TNFSF11: variants seen among roughly 807,000 people sequenced by gnomAD.
TNFSF11 encodes tumor necrosis factor ligand superfamily member 11.
A neutral mutation model predicts 32.2 loss-of-function variants in TNFSF11; 12 were observed. The observed-to-expected ratio is 0.37, with a 90% CI of 0.24 to 0.60. The LOEUF is 0.60. Among genes scored for constraint, TNFSF11 ranks in the 20% least tolerant of loss-of-function variants. TNFSF11 has a pLI of 0.66. For synonymous variants in TNFSF11, 172 were observed against 152.1 expected, an observed-to-expected ratio of 1.13 and a Z score of -0.96; for missense variants, 345 against 398.0, an observed-to-expected ratio of 0.87 and a Z score of 1.13.
At position 42,574,348 on chromosome 13, in the gene TNFSF11, G is replaced by C. The variant is rs200121871; in HGVS notation, c.45G>C (p.Ser15=). 1.3e-6 allele frequency: 2 copies of C among 1,543,574 alleles called. No individual in the cohort carries two copies. The highest frequency in any genetic ancestry group is 1.4e-5 in the African/African-American group (1 of 72,294). ...ACTACACCAAGTACCTGCGTGGCTC[G>C]GAGGAGATGGGCGGCGGCCCCGGAG... ...SRDYTKYLRG[S]EEMGGGPGAP... The change falls in exon 1 of 5, where the codon TCG becomes TCC. Residue 15 remains serine (S), a synonymous_variant. Coordinates refer to ENST00000398795, the MANE Select transcript of TNFSF11 (RefSeq NM_003701.4).
intron 2 of TNFSF11, among the ~76,000 whole-genome samples, chr13:42,591,952 AGGCTGGAACCTAT>A (rs1366745091): frequency 2.6e-5 from 4 of 152,232 alleles, no homozygotes; most frequent in Non-Finnish European, 5.9e-5. Context: ...TAATTTCATG[AGGCTGGAACCTAT>A]GGCATCCCAG....
At chr13:42,600,631 A>T in intron 2 of TNFSF11, 121 bp from the exon 3 acceptor site, 1 of 1,084,516 alleles carries the variant, frequency 9.2e-7, no homozygotes, top group African/African-American at 1.6e-5. Flanking sequence ...TGCCAATGTT[A>T]CTATGGCACC....
chr13:42,573,596 C>A (rs1873148932), upstream of TNFSF11, among the ~76,000 whole-genome samples: 3 of 152,138 alleles, frequency 2.0e-5, no homozygotes, highest in African/African-American at 7.2e-5. Context: ...ACATTCAAGA[C>A]CTGCCTCGCT....
intron 2 of TNFSF11, among the ~76,000 whole-genome samples, chr13:42,592,619 T>C (rs963965542): frequency 2.6e-5 from 4 of 152,200 alleles, no homozygotes; most frequent in Non-Finnish European, 4.4e-5. Flanking sequence ...TATTAAATCA[T>C]TGGCCATTGG....
chr13:42,597,755 C>T lies in TNFSF11; in HGVS notation c.388-2997C>T, dbSNP rs139890352. On this transcript the variant is annotated intron_variant, in intron 2 of 4. Transcript: ENST00000398795. ...CTGGTCCCAGCAGCCTGTTTTAACA[C>T]GCCCTCCAGGAGGTGGTGGTGCAAT... Among the ~76,000 whole-genome samples, 170 of 152,344 alleles carry T rather than the reference C, an allele frequency of 1.1e-3. 1 individual carries two copies. The highest frequency in any genetic ancestry group is 3.8e-3 in the African/African-American group (158 of 41,588).
chr13:42,577,399 C>T (rs1162310736), intron 1 of TNFSF11, among the ~76,000 whole-genome samples: 3 of 152,046 alleles, frequency 2.0e-5, no homozygotes, highest in African/African-American at 7.2e-5. Flanking sequence ...CTACTAGATC[C>T]GGTGTAGCTT....
At chr13:42,583,417 T>TAAAAAAAAAAAAAAAA (rs71747752) in intron 2 of TNFSF11, among the ~76,000 whole-genome samples, 9 of 24,634 alleles carry the variant, frequency 3.7e-4, no homozygotes, top group African/African-American at 9.7e-4. Context: ...AAGACCCTGC[T>TAAAAAAAAAAAAAAAA]AAAAAAAAAA....
upstream of TNFSF11, among the ~76,000 whole-genome samples, chr13:42,573,034 C>T (rs1873126408): frequency 6.6e-6 from 1 of 152,064 alleles, no homozygotes; most frequent in Non-Finnish European, 1.5e-5. Context: ...CTCTTGTACA[C>T]TTGAAATTAT....
At chr13:42,564,355 G>A (rs1217493983) in intron 1 of TNFSF11, among the ~76,000 whole-genome samples, 1 of 152,104 alleles carries the variant, frequency 6.6e-6, no homozygotes, top group East Asian at 1.9e-4. Context: ...ACCACCTGAG[G>A]TCAGGAGTTC....
intron 1 of TNFSF11, among the ~76,000 whole-genome samples, chr13:42,565,311 TAATA>T (rs1463468253): frequency 1.3e-5 from 2 of 152,144 alleles, no homozygotes; most frequent in Non-Finnish European, 2.9e-5. Flanking sequence ...ATCTTCCATG[TAATA>T]AATAAAGCAG....
chr13:42,582,400 GA>G (rs1873660456), intron 2 of TNFSF11, among the ~76,000 whole-genome samples: 1 of 152,124 alleles, frequency 6.6e-6, no homozygotes, highest in Non-Finnish European at 1.5e-5. Flanking sequence ...TGATAGTTGA[GA>G]TTTGCTGTAT....
rs931184516 is a variant in TNFSF11 at position 42,595,058 on chromosome 13, T to G, written c.388-5694T>G. On this transcript the variant is annotated intron_variant, in intron 2 of 4. Coordinates refer to ENST00000398795, the MANE Select transcript of TNFSF11 (RefSeq NM_003701.4). ...GAAAAATACCACAATGAGAAGATTT[T>G]AAAAAAATATTGTGAAATATCCTCA... 1.3e-3 allele frequency among the ~76,000 whole-genome samples: 192 copies of G among 152,192 alleles called. 4 individuals carry two copies. Among genetic ancestry groups the G allele is most frequent in the Non-Finnish European group, 4.1e-4 (28 of 68,034 alleles).
chr13:42,579,534 C>T (rs188894091), intron 1 of TNFSF11, among the ~76,000 whole-genome samples: 1 of 152,154 alleles, frequency 6.6e-6, no homozygotes, highest in East Asian at 1.9e-4. Context: ...GGTCCCCAGG[C>T]ATTTCCCCAC....
chr13:42,595,967 G>T (rs1041697384), intron 2 of TNFSF11, among the ~76,000 whole-genome samples: 1 of 152,224 alleles, frequency 6.6e-6, no homozygotes, highest in Non-Finnish European at 1.5e-5. Flanking sequence ...TAATGTGGAT[G>T]AAAAGAAATG....
chr13:42,602,126 A>C (rs753694711), intron 4 of TNFSF11, among the ~76,000 whole-genome samples: 6 of 152,186 alleles, frequency 3.9e-5, no homozygotes, highest in Non-Finnish European at 8.8e-5. Context: ...GGGGTGCTAA[A>C]ATCTGACTGC....
intron 1 of TNFSF11, among the ~76,000 whole-genome samples, chr13:42,579,797 A>G (rs763992921): frequency 1.5e-4 from 22 of 143,470 alleles, no homozygotes; most frequent in Non-Finnish European, 3.1e-4. Flanking sequence ...TAATTATTCT[A>G]AAGAATATAG....
intron 2 of TNFSF11, among the ~76,000 whole-genome samples, chr13:42,568,659 C>A (rs903626201): frequency 6.6e-6 from 1 of 151,924 alleles, no homozygotes; most frequent in African/African-American, 2.4e-5. Context: ...GAGCCTGGAC[C>A]GGAGATCAGA....
At chr13:42,568,342 C>G (rs1191296963) in intron 2 of TNFSF11, among the ~76,000 whole-genome samples, 1 of 152,200 alleles carries the variant, frequency 6.6e-6, no homozygotes, top group Admixed American at 6.5e-5. Flanking sequence ...GGCTGCCCTT[C>G]CTGCCTGCAG....
chr13:42,594,110 C>T (rs1345335452), intron 2 of TNFSF11, among the ~76,000 whole-genome samples: 1 of 151,914 alleles, frequency 6.6e-6, no homozygotes, highest in Non-Finnish European at 1.5e-5. Flanking sequence ...GATGGAGTCT[C>T]ATTCTGTTGC....
Sources: gnomAD v4.1 joint callset for allele counts (sites outside exome capture counted in the v4.1 genomes callset) on GRCh38, gnomAD v4.1.1 for gene constraint, MANE v1.5 for transcripts, NCBI Gene and HGNC (gene_info 2026-07-23, HGNC 2026-07-21) for gene names.